The following GNAS variants were observed in gnomAD, a reference collection of about 807,000 sequenced individuals.
GNAS encodes the protein protein ALEX.
In GNAS, 8 loss-of-function variants were observed where a neutral mutation model predicts 54.5. The observed-to-expected ratio is 0.15, with a 90% confidence interval of 0.09 to 0.26. GNAS has a LOEUF of 0.26. Among genes scored for constraint, GNAS ranks in the 10% least tolerant of loss-of-function variants. GNAS has a pLI of 1.00. For synonymous variants in GNAS, 204 were observed against 191.4 expected, an observed-to-expected ratio of 1.07 and a Z score of -0.54; for missense variants, 170 against 529.8, an observed-to-expected ratio of 0.32 and a Z score of 6.67.
upstream of GNAS, chr20:58,840,282 A>C: frequency 6.2e-7 from 1 of 1,612,330 alleles, no homozygotes; most frequent in Non-Finnish European, 8.5e-7. This position sits in a 1 kb window ranked among gnomAD's most constrained non-coding sequence, Gnocchi z 6.0. Context: ...GCGGCTGCCC[A>C]ACAGCGCCGG....
Position 58,910,417 on chromosome 20 carries a change from CT to C in GNAS, c.1038+19del. 1 of 1,583,878 alleles carries C rather than the reference CT, an allele frequency of 6.3e-7. No homozygotes were observed. The highest frequency in any genetic ancestry group is 8.7e-7 in the Non-Finnish European group (1 of 1,152,482). ...TGAGTTTCTGGTGAGTCGAGCCTGT[CT>C]TTAGTTTCCTCTCTTGTTCCTCCTC... On this transcript the variant is annotated intron_variant, in intron 12 of 12. Transcript: ENST00000371085. The surrounding 1 kb of genome is among the most constrained non-coding windows in gnomAD (Gnocchi z 5.8).
At chr20:58,889,683 T>G (rs966802609), upstream of GNAS, 1 of 151,578 alleles carries the variant, frequency 6.6e-6, no homozygotes, top group Admixed American at 6.6e-5. Flanking sequence ...CTCATCCTTT[T>G]TGGCGCTAAC....
chr20:58,864,694 C>T (rs971447552), intron 1 of GNAS, among the ~76,000 whole-genome samples: 2 of 152,112 alleles, frequency 1.3e-5, no homozygotes, highest in Non-Finnish European at 2.9e-5. Flanking sequence ...AATGCCAGCC[C>T]CCACCCCAGG....
upstream of GNAS, among the ~76,000 whole-genome samples, chr20:58,889,925 C>T (rs1201174304): frequency 2.0e-5 from 3 of 151,634 alleles, no homozygotes; most frequent in Non-Finnish European, 4.4e-5. Flanking sequence ...CGGCGGAGAG[C>T]GAGAAGAAGA....
At chr20:58,849,685 C>T (rs1460183991) in intron 1 of GNAS, among the ~76,000 whole-genome samples, 2 of 152,192 alleles carry the variant, frequency 1.3e-5, no homozygotes, top group Non-Finnish European at 2.9e-5. Context: ...TTGGCTCCTC[C>T]ATCTTTTGTG....
intron 1 of GNAS, among the ~76,000 whole-genome samples, chr20:58,883,273 C>G (rs2145807219): frequency 6.6e-6 from 1 of 152,208 alleles, no homozygotes; most frequent in East Asian, 1.9e-4. Context: ...GCTTTGTGTT[C>G]TTTGTAAAGT....
chr20:58,874,298 C>T (rs1426643418), intron 1 of GNAS, among the ~76,000 whole-genome samples: 2 of 152,236 alleles, frequency 1.3e-5, no homozygotes, highest in African/African-American at 4.8e-5. Flanking sequence ...GTGCTGAGAA[C>T]TGCCTTTTGC....
At chr20:58,847,373 G>A (rs1476061329) in intron 1 of GNAS, among the ~76,000 whole-genome samples, 5 of 152,228 alleles carry the variant, frequency 3.3e-5, no homozygotes, top group Admixed American at 3.3e-4. Flanking sequence ...ATAGCAGTAT[G>A]CTGCTGCCTC....
intron 1 of GNAS, chr20:58,852,917 A>C (rs1463130212): frequency 1.3e-6 from 1 of 743,394 alleles, no homozygotes; most frequent in Non-Finnish European, 1.7e-6. Context: ...CCGAATCGGC[A>C]CGCTCGTCAG....
Position 58,853,918 on chromosome 20 carries a change from C to G in GNAS, c.43+13032C>G, listed in dbSNP as rs1354669859. The G allele has an allele frequency of 6.2e-7, 1 of 1,609,606 alleles. No individual in the cohort carries two copies. The highest frequency in any genetic ancestry group is 8.5e-7 in the Non-Finnish European group (1 of 1,178,488). ...GCTGGCTCCAGAGGAGGCTACAGCC[C>G]TCCCCCTGAGGAGACTATGCCATTT... On this transcript the variant is annotated intron_variant, in intron 1 of 12. Transcript: ENST00000306090. The surrounding 1 kb of genome is among the most constrained non-coding windows in gnomAD (Gnocchi z 4.4).
chr20:58,905,303 G>GT, intron 5 of GNAS, 80 bp from the exon 6 acceptor site: 1 of 844,488 alleles, frequency 1.2e-6, no homozygotes, highest in South Asian at 1.3e-5. Flanking sequence ...AGGGAACTCT[G>GT]GTCTCAGGGT....
intron 1 of GNAS, among the ~76,000 whole-genome samples, chr20:58,862,649 ATTCTGTCT>A (rs1480969917): frequency 6.6e-6 from 1 of 151,350 alleles, no homozygotes; most frequent in Non-Finnish European, 1.5e-5. Context: ...CAGCCATCTC[ATTCTGTCT>A]TTCTGTCTCC....
rs760326876 is a variant in GNAS at position 58,854,781 on chromosome 20, C to T, written c.43+13895C>T. The T allele has an allele frequency of 2.5e-5, 39 of 1,566,348 alleles. No individual in the cohort carries two copies. The highest frequency in any genetic ancestry group is 3.4e-5 in the Non-Finnish European group (39 of 1,163,172). On this transcript the variant is annotated intron_variant, in intron 1 of 12. Coordinates refer to the GNAS transcript ENST00000306090. ...CACTGCCCCAGCCGCTTCTGCCACC[C>T]GGGCAGCCCAAGTCCGCCGGGCGGC...
chr20:58,852,177 C>T (rs533154507), intron 1 of GNAS, among the ~76,000 whole-genome samples: 14 of 152,142 alleles, frequency 9.2e-5, no homozygotes, highest in African/African-American at 3.4e-4. Context: ...CTTCTTATTC[C>T]CCTGCGTCAC....
intron 5 of GNAS, 81 bp from the exon 6 acceptor site, chr20:58,905,284 CGGTCACATAGGGAACTCT>C: frequency 2.6e-6 from 2 of 766,484 alleles, no homozygotes; most frequent in Non-Finnish European, 4.7e-6. Context: ...CACCAAGTGT[CGGTCACATAGGGAACTCT>C]GGTCTCAGGG....
chr20:58,854,774 T>C lies in GNAS; in HGVS notation c.43+13888T>C, dbSNP rs771915337. The C allele has an allele frequency of 1.9e-6, 3 of 1,560,584 alleles. No homozygotes were observed. Among genetic ancestry groups the C allele is most frequent in the South Asian group, 2.3e-5 (2 of 85,516 alleles). On this transcript the variant is annotated intron_variant, in intron 1 of 12. Transcript: ENST00000306090. ...GGGCTCCCACTGCCCCAGCCGCTTCTGCCACCCGGGCAGCCCAAGTCCGCC... is the reference window on the plus strand; with the variant it reads ...GGGCTCCCACTGCCCCAGCCGCTTCCGCCACCCGGGCAGCCCAAGTCCGCC...
At chr20:58,840,743 G>A, upstream of GNAS, 1 of 1,605,654 alleles carries the variant, frequency 6.2e-7, no homozygotes. This position sits in a 1 kb window ranked among gnomAD's most constrained non-coding sequence, Gnocchi z 6.0. Flanking sequence ...GCCCAAGGAG[G>A]AGAAGCAGCG....
intron 1 of GNAS, among the ~76,000 whole-genome samples, chr20:58,865,145 C>T (rs941148411): frequency 6.6e-6 from 1 of 151,948 alleles, no homozygotes; most frequent in Non-Finnish European, 1.5e-5. Flanking sequence ...GGGCTGGGCG[C>T]GGTGGCTCAC....
At chr20:58,849,836 C>T (rs974452192) in intron 1 of GNAS, among the ~76,000 whole-genome samples, 1 of 152,190 alleles carries the variant, frequency 6.6e-6, no homozygotes, top group Non-Finnish European at 1.5e-5. Flanking sequence ...CCTTTGTTCT[C>T]GATCAGGATC....
Sources: allele counts gnomAD v4.1 joint callset (sites outside exome capture counted in the v4.1 genomes callset), GRCh38; gene constraint gnomAD v4.1.1; non-coding constraint Gnocchi (gnomAD v3.1); transcripts MANE v1.5; gene names NCBI Gene and HGNC (gene_info 2026-07-23, HGNC 2026-07-21).